TMEM132B: variants seen among roughly 807,000 people sequenced by gnomAD.
TMEM132B encodes transmembrane protein 132B.
In TMEM132B, 18 loss-of-function variants were observed where a neutral mutation model predicts 90.8. That is an observed-to-expected ratio of 0.20 (90% CI 0.14 to 0.29). TMEM132B has a LOEUF of 0.29. TMEM132B is among the 10% of genes least tolerant of loss of function. TMEM132B has a pLI of 1.00. For synonymous variants in TMEM132B, 504 were observed against 523.3 expected (o/e 0.96, Z 0.50); for missense variants, 1,096 against 1,326.8 (o/e 0.83, Z 2.70).
intron 3 of TMEM132B, among the ~76,000 whole-genome samples, chr12:125,426,694 A>G (rs1276054260): frequency 6.6e-6 from 1 of 152,200 alleles, no homozygotes; most frequent in Admixed American, 6.5e-5. Context: ...TCCAGCTGCT[A>G]GTCTAGTCTT....
chr12:125,190,475 T>G (rs1227831469), intron 1 of TMEM132B, among the ~76,000 whole-genome samples: 20 of 24,124 alleles, frequency 8.3e-4, no homozygotes, highest in Admixed American at 2.2e-3. Flanking sequence ...AAAGGGGTGG[T>G]GGTGGGAAGG....
At chr12:125,283,124 AC>A (rs1352126188) in intron 1 of TMEM132B, among the ~76,000 whole-genome samples, 1 of 152,156 alleles carries the variant, frequency 6.6e-6, no homozygotes, top group Non-Finnish European at 1.5e-5. Flanking sequence ...ATTAGCTTTA[AC>A]ATGAGCCCCC....
At chr12:125,644,031 G>T (rs1291742858) in intron 5 of TMEM132B, 45 bp from the exon 6 acceptor site, 6 of 1,568,970 alleles carry the variant, frequency 3.8e-6, no homozygotes, top group Admixed American at 3.4e-5. Context: ...TTTTCCTTGT[G>T]CTTTTCCTAC....
At chr12:125,593,647 A>G (rs1885371960) in intron 5 of TMEM132B, among the ~76,000 whole-genome samples, 1 of 152,158 alleles carries the variant, frequency 6.6e-6, no homozygotes, top group Admixed American at 6.5e-5. Context: ...GTTAACTAGG[A>G]GGGAAGGGGA....
At chr12:125,466,386 G>A (rs1881563179) in intron 3 of TMEM132B, among the ~76,000 whole-genome samples, 1 of 152,174 alleles carries the variant, frequency 6.6e-6, no homozygotes, top group Non-Finnish European at 1.5e-5. Flanking sequence ...ATATCGGAGG[G>A]GAAGGGAAAA....
At position 125,365,540 on chromosome 12, in the gene TMEM132B, T is replaced by C. The variant is rs962084133; in HGVS notation, c.959+15197T>C. ...GGATCTAAGTTTTCATTTGTTGTTA[T>C]TTCCCTTCAGCATGTATGACTTCTC... On this transcript the variant is annotated intron_variant, in intron 2 of 8. Coordinates refer to ENST00000682704, the MANE Select transcript of TMEM132B (RefSeq NM_001366854.1). 5.9e-5 allele frequency among the ~76,000 whole-genome samples: 9 copies of C among 152,272 alleles called. No homozygotes were observed. The East Asian group carries it at 1.7e-3, about 29-fold the overall frequency.
intron 1 of TMEM132B, among the ~76,000 whole-genome samples, chr12:125,201,686 A>AT (rs1369396899): frequency 6.6e-6 from 1 of 152,160 alleles, no homozygotes; most frequent in African/African-American, 2.4e-5. Flanking sequence ...GTGCCATAGC[A>AT]TTTTCATCTG....
chr12:125,538,221 G>C (rs1435985394), intron 4 of TMEM132B, among the ~76,000 whole-genome samples: 1 of 152,200 alleles, frequency 6.6e-6, no homozygotes, highest in Non-Finnish European at 1.5e-5. Context: ...CCCTGGTTTG[G>C]AGAGAGTTTA....
At chr12:125,510,063 A>C (rs190651562) in intron 3 of TMEM132B, among the ~76,000 whole-genome samples, 1 of 152,222 alleles carries the variant, frequency 6.6e-6, no homozygotes, top group Non-Finnish European at 1.5e-5. Flanking sequence ...TTTCTGAGTC[A>C]TCATTTGCTA....
chr12:125,260,877 C>T (rs1874549924), intron 1 of TMEM132B, among the ~76,000 whole-genome samples: 1 of 152,110 alleles, frequency 6.6e-6, no homozygotes, highest in Non-Finnish European at 1.5e-5. Context: ...GATTTCACCA[C>T]TGCACTGCAG....
intron 5 of TMEM132B, among the ~76,000 whole-genome samples, chr12:125,615,939 G>T (rs2136957547): frequency 6.6e-6 from 1 of 152,138 alleles, no homozygotes; most frequent in South Asian, 2.1e-4. Context: ...TAGCTTAATG[G>T]TTGACACTTT....
chr12:125,325,406 G>T (rs2136194970), intron 1 of TMEM132B, among the ~76,000 whole-genome samples: 1 of 152,272 alleles, frequency 6.6e-6, no homozygotes, highest in East Asian at 1.9e-4. Flanking sequence ...AAGCTGCCTT[G>T]TTTTGGATCT....
chr12:125,228,234 A>G (rs1253557446), intron 1 of TMEM132B, among the ~76,000 whole-genome samples: 1 of 152,168 alleles, frequency 6.6e-6, no homozygotes, highest in Non-Finnish European at 1.5e-5. Context: ...TGAGGCCTCA[A>G]TGAGCTCGGA....
chr12:125,376,109 C>T (rs1399338284), intron 2 of TMEM132B, among the ~76,000 whole-genome samples: 1 of 152,208 alleles, frequency 6.6e-6, no homozygotes, highest in Non-Finnish European at 1.5e-5. Flanking sequence ...CACCCCCTAA[C>T]CTCTTGCTAA....
intron 4 of TMEM132B, among the ~76,000 whole-genome samples, chr12:125,525,573 G>A (rs922014947): frequency 6.6e-6 from 1 of 152,210 alleles, no homozygotes. Context: ...CTCTGTCTTG[G>A]CCTTCCAGCA....
chr12:125,222,397 G>A (rs991521375), intron 1 of TMEM132B, among the ~76,000 whole-genome samples: 11 of 152,266 alleles, frequency 7.2e-5, no homozygotes, highest in African/African-American at 2.6e-4. Context: ...CACCAGAAAT[G>A]TATGCCAGGA....
At chr12:125,430,596 AC>A (rs1322509342) in intron 3 of TMEM132B, among the ~76,000 whole-genome samples, 1 of 152,150 alleles carries the variant, frequency 6.6e-6, no homozygotes, top group Non-Finnish European at 1.5e-5. Flanking sequence ...CACAGAAGTC[AC>A]AGAATCCAGC....
chr12:125,376,513 C>T (rs1029451629), intron 2 of TMEM132B, among the ~76,000 whole-genome samples: 9 of 152,182 alleles, frequency 5.9e-5, no homozygotes, highest in African/African-American at 2.2e-4. Context: ...TTACACTCCT[C>T]CTGCCCAGCA....
At chr12:125,363,447 TAGGGG>T (rs1878023565) in intron 2 of TMEM132B, among the ~76,000 whole-genome samples, 2 of 152,170 alleles carry the variant, frequency 1.3e-5, no homozygotes, top group Non-Finnish European at 2.9e-5. Flanking sequence ...AGTGAAGGTC[TAGGGG>T]CAAGCAGTGT....
Sources: gnomAD v4.1 joint callset for allele counts (sites outside exome capture counted in the v4.1 genomes callset) on GRCh38, gnomAD v4.1.1 for gene constraint, MANE v1.5 for transcripts, NCBI Gene and HGNC (gene_info 2026-07-23, HGNC 2026-07-21) for gene names.